The following ZPLD1 variants were observed in gnomAD, a reference collection of about 807,000 sequenced individuals.
The protein encoded by ZPLD1 is zona pellucida like domain containing 1.
Under a neutral mutation model 47.2 loss-of-function variants are expected in ZPLD1, and 34 were observed. The ratio of observed to expected loss-of-function variants is 0.72; its 90% CI spans 0.55 to 0.96. The LOEUF is 0.96. ZPLD1 is among the 40% of genes least tolerant of loss of function. The pLI is 0.00. For synonymous variants in ZPLD1, 176 were observed against 186.2 expected, an observed-to-expected ratio of 0.95 and a Z score of 0.45; for missense variants, 512 against 505.8, an observed-to-expected ratio of 1.01 and a Z score of -0.12.
upstream of ZPLD1, among the ~76,000 whole-genome samples, chr3:102,433,689 G>C (rs770914766): frequency 2.6e-5 from 4 of 152,052 alleles, no homozygotes; most frequent in African/African-American, 4.8e-5. Context: ...ACCACGCCCG[G>C]CTAATTTTTT....
chr3:102,407,460 T>A (rs1706703798), intron 7 of ZPLD1, among the ~76,000 whole-genome samples: 1 of 114,846 alleles, frequency 8.7e-6, no homozygotes, highest in Non-Finnish European at 1.8e-5. Context: ...TATGCCATCC[T>A]TTATGAGTCC....
intron 8 of ZPLD1, among the ~76,000 whole-genome samples, chr3:102,421,293 T>A (rs1407737975): frequency 2.6e-5 from 4 of 151,912 alleles, no homozygotes; most frequent in African/African-American, 9.7e-5. Context: ...TACTTTGAAA[T>A]TAAATCATTT....
chr3:102,432,083 A>C (rs1707022435), upstream of ZPLD1, among the ~76,000 whole-genome samples: 1 of 152,216 alleles, frequency 6.6e-6, no homozygotes, highest in Non-Finnish European at 1.5e-5. Flanking sequence ...GCTGGAGTAG[A>C]GTTTCATCCT....
chr3:102,453,558 A>G (rs1031431077), intron 4 of ZPLD1, among the ~76,000 whole-genome samples: 1 of 152,270 alleles, frequency 6.6e-6, no homozygotes, highest in African/African-American at 2.4e-5. Flanking sequence ...GACGAAAGAT[A>G]GAATGGGAAG....
At chr3:102,465,436 AG>A (rs1707575796) in intron 8 of ZPLD1, among the ~76,000 whole-genome samples, 1 of 152,210 alleles carries the variant, frequency 6.6e-6, no homozygotes. Flanking sequence ...TAACATTTAA[AG>A]GTATTAAAAT....
chr3:102,430,257 A>G (rs778746930), upstream of ZPLD1, among the ~76,000 whole-genome samples: 23 of 152,230 alleles, frequency 1.5e-4, no homozygotes, highest in African/African-American at 5.3e-4. Context: ...TCCAGCCTTC[A>G]TCTGACTAAC....
At position 102,476,998 on chromosome 3, in the gene ZPLD1, T is replaced by A. The variant is rs111783729; in HGVS notation, c.1043-14T>A. On this transcript the variant is annotated splice_polypyrimidine_tract_variant and intron_variant, in intron 10 of 11. Transcript: ENST00000466937. ...AGATGATGTCACTTCTCTTTTTCTG[T>A]TTTTTCCCCTCAGATGAGACTCCAA... is the stretch of plus-strand genomic sequence containing the variant. 1.2e-6 allele frequency: 2 copies of A among 1,612,888 alleles called. No homozygotes were observed. The highest frequency in any genetic ancestry group is 8.5e-7 in the Non-Finnish European group (1 of 1,179,106).
intron 7 of ZPLD1, among the ~76,000 whole-genome samples, chr3:102,416,913 G>A (rs1443178079): frequency 6.6e-6 from 1 of 151,956 alleles, no homozygotes; most frequent in African/African-American, 2.4e-5. Flanking sequence ...ACAGAAGATA[G>A]AAGGCAATGT....
chr3:102,436,794 C>G, intron 1 of ZPLD1, 66 bp from the exon 2 acceptor site: 2 of 686,512 alleles, frequency 2.9e-6, no homozygotes, highest in South Asian at 1.3e-4. Flanking sequence ...TATATGTTAG[C>G]TAGAAAGCAT....
chr3:102,410,771 T>C (rs1256772060), intron 7 of ZPLD1, among the ~76,000 whole-genome samples: 1 of 151,778 alleles, frequency 6.6e-6, no homozygotes, highest in Non-Finnish European at 1.5e-5. Context: ...GACTGAGAAC[T>C]GGCCCAGGAA....
At chr3:102,429,554 T>C (rs576651044) in intron 8 of ZPLD1, among the ~76,000 whole-genome samples, 1 of 152,312 alleles carries the variant, frequency 6.6e-6, no homozygotes, top group South Asian at 2.1e-4. Flanking sequence ...GGGGGAAAGT[T>C]ATATAATATA....
At chr3:102,435,288 C>A in intron 1 of ZPLD1, 134 bp downstream of exon 1, 1 of 929,964 alleles carries the variant, frequency 1.1e-6, no homozygotes, top group Non-Finnish European at 1.7e-6. Flanking sequence ...GGGATACTGC[C>A]TTTATAAGAG....
chr3:102,420,516 A>G (rs570879942), intron 8 of ZPLD1, among the ~76,000 whole-genome samples: 2 of 152,128 alleles, frequency 1.3e-5, no homozygotes, highest in South Asian at 4.1e-4. Context: ...AACACAGATA[A>G]GCTGGGTTAA....
intron 7 of ZPLD1, among the ~76,000 whole-genome samples, chr3:102,402,305 T>C (rs930846282): frequency 2.8e-4 from 43 of 152,002 alleles, no homozygotes; most frequent in African/African-American, 1.0e-3. Context: ...TCACTAAACA[T>C]TTATTGGGCA....
chr3:102,393,598 A>G (rs977635255), intron 7 of ZPLD1, among the ~76,000 whole-genome samples: 1 of 151,696 alleles, frequency 6.6e-6, no homozygotes, highest in Non-Finnish European at 1.5e-5. Context: ...ACCTAACCTG[A>G]TGTATGCTGA....
chr3:102,440,550 T>C lies in ZPLD1; in HGVS notation c.106+1957T>C, dbSNP rs568496316. Among the ~76,000 whole-genome samples, 9 of 152,140 alleles carry C rather than the reference T, an allele frequency of 5.9e-5. No individual in the cohort carries two copies. In the East Asian group the frequency reaches 1.5e-3, roughly 26 times the overall value. ...ATGGGCTTGAGGCATTTTTAGAATA[T>C]ATAGTGGCAGTTTCTTTTATTCAGT... On this transcript the variant is annotated intron_variant, in intron 3 of 11. Coordinates refer to ENST00000466937, the MANE Select transcript of ZPLD1 (RefSeq NM_001329788.2).
chr3:102,457,102 G>A (rs1051414544), intron 5 of ZPLD1, among the ~76,000 whole-genome samples: 4 of 152,284 alleles, frequency 2.6e-5, no homozygotes, highest in East Asian at 3.9e-4. Flanking sequence ...TTTAGGATTT[G>A]CTATTATTAA....
At chr3:102,399,853 C>T (rs1706599431) in intron 7 of ZPLD1, among the ~76,000 whole-genome samples, 1 of 152,028 alleles carries the variant, frequency 6.6e-6, no homozygotes, top group Non-Finnish European at 1.5e-5. Flanking sequence ...GAGTCTCTGT[C>T]TGTCGCCCAG....
chr3:102,444,719 ATTT>A (rs1707230898), intron 3 of ZPLD1, among the ~76,000 whole-genome samples: 1 of 152,138 alleles, frequency 6.6e-6, no homozygotes, highest in Non-Finnish European at 1.5e-5. Flanking sequence ...TTCAGGTGAG[ATTT>A]TCTACCATGC....
Sources: allele counts gnomAD v4.1 joint callset (sites outside exome capture counted in the v4.1 genomes callset), GRCh38; gene constraint gnomAD v4.1.1; transcripts MANE v1.5; gene names NCBI Gene and HGNC (gene_info 2026-07-23, HGNC 2026-07-21).